The following RBM4 variants were observed in gnomAD, a reference collection of about 807,000 sequenced individuals.
The protein encoded by RBM4 is RNA binding motif protein 4, also known as RNA-binding protein 4.
Under a neutral mutation model 29.5 loss-of-function variants are expected in RBM4, and 7 were observed. The ratio of observed to expected loss-of-function variants is 0.24; its 90% CI spans 0.14 to 0.45. The LOEUF (loss-of-function observed/expected upper bound fraction) is 0.45, where lower values mean the gene tolerates loss of function less well. Ranked by LOEUF, RBM4 falls within the 20% of genes least tolerant of loss-of-function variation. The probability of loss-of-function intolerance (pLI) is 1.00; values close to 1 mark genes in which losing one functional copy is unlikely to be tolerated. For synonymous variants in RBM4, 220 were observed against 205.4 expected (o/e 1.07, Z -0.61); for missense variants, 387 against 502.3 (o/e 0.77, Z 2.19).
intron 2 of RBM4, among the ~76,000 whole-genome samples, chr11:66,656,011 C>A (rs1171895059): frequency 6.6e-6 from 1 of 151,886 alleles, no homozygotes; most frequent in African/African-American, 2.4e-5. Context: ...GCTTTTGTTG[C>A]CCAGGCTGGA....
At chr11:66,665,245 AT>A (rs1209417046) in intron 2 of RBM4, 3 of 329,076 alleles carry the variant, frequency 9.1e-6, no homozygotes, top group African/African-American at 6.5e-5. Flanking sequence ...GGGAAAGGAG[AT>A]GCTGCAGGTA....
At chr11:66,652,461 C>T (rs911416800) in intron 2 of RBM4, 1 of 152,186 alleles carries the variant, frequency 6.6e-6, no homozygotes, top group Non-Finnish European at 1.5e-5. Flanking sequence ...AGGTAAAAAA[C>T]AGCTAAAATG....
chr11:66,666,247 TG>T, exon 3 of RBM4: 3 of 1,035,384 alleles, frequency 2.9e-6, no homozygotes, highest in Non-Finnish European at 3.6e-6. Flanking sequence ...CACCAATGGC[TG>T]GGGGAAAAAA....
chr11:66,639,685 GTT>G lies in RBM4; in HGVS notation c.-12-11_-12-10del, dbSNP rs774181201. 2.5e-6 allele frequency: 4 copies of G among 1,606,502 alleles called. No individual in the cohort carries two copies. In the East Asian group the frequency reaches 8.9e-5, roughly 36 times the overall value. Reference sequence around the variant, plus strand: ...CCTGAGGTCTTTTGTCAGATGTCTTGTTTTTCTCTCCCAGGCTCTTGTCAGGA... The same window carrying G: ...CCTGAGGTCTTTTGTCAGATGTCTTGTTTCTCTCCCAGGCTCTTGTCAGGA... On this transcript the variant is annotated splice_polypyrimidine_tract_variant and intron_variant, in intron 1 of 3. Transcript: ENST00000310092.
chr11:66,665,878 A>C (rs1565090679), exon 3 of RBM4: 1 of 1,534,338 alleles, frequency 6.5e-7, no homozygotes, highest in African/African-American at 1.4e-5. Context: ...CTGTGACAGA[A>C]GGCTACTGTT....
intron 2 of RBM4, 192 bp downstream of exon 2, chr11:66,640,315 C>T (rs1938387228): frequency 4.0e-6 from 3 of 744,670 alleles, no homozygotes; most frequent in Non-Finnish European, 4.3e-6. Flanking sequence ...GCAAATGTCT[C>T]CTGGAGAAAA....
At chr11:66,642,904 C>A (rs1476831144) in intron 2 of RBM4, among the ~76,000 whole-genome samples, 1 of 152,180 alleles carries the variant, frequency 6.6e-6, no homozygotes, top group African/African-American at 2.4e-5. Flanking sequence ...AGGGTTTTTC[C>A]AGAGATGTAC....
At chr11:66,659,840 C>T (rs1431560055) in intron 2 of RBM4, among the ~76,000 whole-genome samples, 1 of 152,184 alleles carries the variant, frequency 6.6e-6, no homozygotes, top group Non-Finnish European at 1.5e-5. Context: ...ACAGTGACCT[C>T]CAGGTCCATC....
At chr11:66,665,667 T>TC in intron 2 of RBM4, 2 of 1,519,110 alleles carry the variant, frequency 1.3e-6, no homozygotes, top group Non-Finnish European at 1.8e-6. Context: ...TGTCCTGTAT[T>TC]CCGGGGGGAA....
Position 66,643,923 on chromosome 11 carries a change from G to C in RBM4, c.886G>C (p.Val296Leu), listed in dbSNP as rs1938577512. The change falls in exon 3 of 4, where the codon GTT becomes CTT. Residue 296 changes from valine to leucine, a missense_variant. Physicochemically the swap from Val to Leu is conservative, Grantham distance 32 (BLOSUM62 1). This residue lies in a region of RBM4 where 281 missense variants were observed against 288.7 expected (regional missense o/e 0.97). Coordinates refer to ENST00000310092, the MANE Select transcript of RBM4 (RefSeq NM_002896.4). The surrounding 1 kb of genome is among the most constrained non-coding windows in gnomAD (Gnocchi z 6.1). ...TGCTGCAGCAGCAGCCGCTGCTGCT[G>C]TTACTGCAGCTTCCACTTCATATTA... Reference protein sequence around the residue: ...AAAAAAAAAAVTAASTSYYGR... With the variant: ...AAAAAAAAAALTAASTSYYGR... 3 of 1,613,426 alleles carry C rather than the reference G, an allele frequency of 1.9e-6. No individual in the cohort carries two copies. The highest frequency in any genetic ancestry group is 1.7e-6 in the Non-Finnish European group (2 of 1,179,962).
downstream of RBM4, among the ~76,000 whole-genome samples, chr11:66,648,798 G>A (rs1938763542): frequency 6.6e-6 from 1 of 151,612 alleles, no homozygotes; most frequent in African/African-American, 2.4e-5. Context: ...GGGGGACAAG[G>A]GCAAGACTTC....
rs1293137449 is a variant in RBM4, at chr11:66,643,925, T to A, written c.888T>A (p.Val296=). Residue 296 remains valine (V), a synonymous_variant, in exon 3 of 4, where the codon GTT becomes GTA. Coordinates refer to ENST00000310092, the MANE Select transcript of RBM4 (RefSeq NM_002896.4). The surrounding 1 kb of genome is among the most constrained non-coding windows in gnomAD (Gnocchi z 6.1). Reference sequence around the variant, plus strand: ...CTGCAGCAGCAGCCGCTGCTGCTGTTACTGCAGCTTCCACTTCATATTACG... The same window carrying A: ...CTGCAGCAGCAGCCGCTGCTGCTGTAACTGCAGCTTCCACTTCATATTACG... The part of the protein sequence containing the change: ...AAAAAAAAAA[V]TAASTSYYGR... The A allele has an allele frequency of 1.2e-6, 2 of 1,613,426 alleles. No homozygotes were observed. Among genetic ancestry groups the A allele is most frequent in the Non-Finnish European group, 1.7e-6 (2 of 1,179,968 alleles).
intron 2 of RBM4, chr11:66,640,918 C>T (rs1454608467): frequency 6.6e-6 from 1 of 152,212 alleles, no homozygotes; most frequent in Non-Finnish European, 1.5e-5. Context: ...TGAATGCCTA[C>T]ATGTTGCTCA....
downstream of RBM4, among the ~76,000 whole-genome samples, chr11:66,648,699 G>C (rs963166651): frequency 2.0e-5 from 3 of 151,982 alleles, no homozygotes; most frequent in East Asian, 5.8e-4. Flanking sequence ...CTTAATTGTG[G>C]CTATTTGGGA....
chr11:66,650,265 A>G (rs1253108990), downstream of RBM4, among the ~76,000 whole-genome samples: 1 of 152,202 alleles, frequency 6.6e-6, no homozygotes, highest in Non-Finnish European at 1.5e-5. Flanking sequence ...TAACCCTGTT[A>G]ACTTTGCCTT....
chr11:66,648,675 A>G (rs1198934584), downstream of RBM4, among the ~76,000 whole-genome samples: 2 of 152,002 alleles, frequency 1.3e-5, no homozygotes, highest in Admixed American at 6.6e-5. Flanking sequence ...TTAGCCGGGC[A>G]TGGTGGCAGG....
rs150367436 is a variant in RBM4, at chr11:66,638,735, C to T, written c.-30C>T. On this transcript the variant is annotated 5_prime_UTR_variant, in exon 1 of 4. Coordinates refer to ENST00000310092, the MANE Select transcript of RBM4 (RefSeq NM_002896.4). ...GCGTCCGCGCCGCGAGGAGGAGGCC[C>T]TGCTGGTTTCTGTGCGGGTGAGACT... 4 of 153,286 alleles carry T rather than the reference C, an allele frequency of 2.6e-5. No homozygotes were observed. Among genetic ancestry groups the T allele is most frequent in the African/African-American group, 7.2e-5 (3 of 41,484 alleles). The allele number at this position is 153,286 out of a possible 1,614,324, so 9.5% of individuals were successfully genotyped here.
At chr11:66,649,842 T>C (rs1056125713), downstream of RBM4, 3 of 686,484 alleles carry the variant, frequency 4.4e-6, no homozygotes, top group East Asian at 2.7e-5. Context: ...CTCCCAGAGT[T>C]TTTGCAGGGA....
intron 2 of RBM4, among the ~76,000 whole-genome samples, chr11:66,658,260 T>C (rs901810163): frequency 3.4e-5 from 5 of 147,050 alleles, no homozygotes; most frequent in Non-Finnish European, 7.4e-5. Flanking sequence ...ACTCCCGACC[T>C]CAGGTAATCC....
Sources: gnomAD v4.1 joint callset for allele counts (sites outside exome capture counted in the v4.1 genomes callset) on GRCh38, gnomAD v4.1.1 for gene constraint, gnomAD v4.1.1 regional missense constraint, Gnocchi (gnomAD v3.1) non-coding constraint, MANE v1.5 for transcripts, NCBI Gene and HGNC (gene_info 2026-07-23, HGNC 2026-07-21) for gene names.